The following PTPRD variants were observed in gnomAD, a reference collection of about 807,000 sequenced individuals.
PTPRD encodes receptor-type tyrosine-protein phosphatase delta.
Under a neutral mutation model 214.5 loss-of-function variants are expected in PTPRD, and 34 were observed. The observed-to-expected ratio is 0.16, with a 90% CI of 0.12 to 0.21. PTPRD has a LOEUF of 0.21. PTPRD is among the 10% of genes least tolerant of loss of function. The probability of loss-of-function intolerance (pLI) is 1.00; values close to 1 mark genes in which losing one functional copy is unlikely to be tolerated. For missense variants in PTPRD, 2,545 were observed against 2,398.7 expected (o/e 1.06, Z -1.27); for synonymous variants, 1,128 against 845.7 (o/e 1.33, Z -5.79).
chr9:9,265,638 A>T (rs1208872114), intron 9 of PTPRD, among the ~76,000 whole-genome samples: 1 of 151,562 alleles, frequency 6.6e-6, no homozygotes, highest in East Asian at 2.0e-4. Flanking sequence ...AGTTGTTATC[A>T]ACTTGAAATA....
intron 5 of PTPRD, among the ~76,000 whole-genome samples, chr9:9,895,835 G>C (rs1051062350): frequency 1.3e-5 from 2 of 151,952 alleles, no homozygotes; most frequent in African/African-American, 2.4e-5. Context: ...TATACACTTG[G>C]TTTTTTATAG....
intron 3 of PTPRD, among the ~76,000 whole-genome samples, chr9:10,302,344 AG>A (rs2095887252): frequency 6.6e-6 from 1 of 152,208 alleles, no homozygotes; most frequent in African/African-American, 2.4e-5. Flanking sequence ...GACACTATGA[AG>A]AAACTACATC....
intron 14 of PTPRD, among the ~76,000 whole-genome samples, chr9:8,542,934 T>C (rs967320006): frequency 3.3e-5 from 5 of 152,304 alleles, no homozygotes; most frequent in Admixed American, 6.5e-5. Flanking sequence ...TTGAAGACAG[T>C]TGAGCATGCA....
intron 5 of PTPRD, among the ~76,000 whole-genome samples, chr9:9,934,170 T>G (rs2088107164): frequency 6.8e-6 from 1 of 147,222 alleles, no homozygotes; most frequent in Admixed American, 6.7e-5. Context: ...TTAAAAGAAC[T>G]AGAAAAGCAA....
At chr9:8,621,103 A>G (rs951175343) in intron 14 of PTPRD, among the ~76,000 whole-genome samples, 2 of 151,966 alleles carry the variant, frequency 1.3e-5, no homozygotes, top group African/African-American at 4.8e-5. Context: ...GGCATCGTAC[A>G]AGGGAGGGCC....
chr9:9,097,580 T>G (rs2154435815), intron 10 of PTPRD, among the ~76,000 whole-genome samples: 1 of 151,734 alleles, frequency 6.6e-6, no homozygotes, highest in African/African-American at 2.4e-5. Flanking sequence ...GGCTAATTTT[T>G]TTTGTATTTT....
At chr9:10,200,219 C>G (rs2099414149) in intron 3 of PTPRD, among the ~76,000 whole-genome samples, 1 of 152,056 alleles carries the variant, frequency 6.6e-6, no homozygotes, top group Non-Finnish European at 1.5e-5. Flanking sequence ...GAAAAATTGT[C>G]TTTCTAAGTA....
intron 21 of PTPRD, among the ~76,000 whole-genome samples, chr9:8,512,898 G>C (rs1400077398): frequency 1.3e-5 from 2 of 151,900 alleles, no homozygotes; most frequent in Non-Finnish European, 2.9e-5. Context: ...CTACTTCTTT[G>C]TCAGAGTTTT....
intron 10 of PTPRD, among the ~76,000 whole-genome samples, chr9:9,047,637 T>G (rs2099675474): frequency 6.6e-6 from 1 of 152,010 alleles, no homozygotes; most frequent in Admixed American, 6.6e-5. Flanking sequence ...GCCAAGAACA[T>G]ATACTGGGGA....
intron 9 of PTPRD, among the ~76,000 whole-genome samples, chr9:9,194,521 A>C (rs1002204555): frequency 1.3e-5 from 2 of 152,136 alleles, no homozygotes; most frequent in African/African-American, 4.8e-5. Flanking sequence ...GGGTGACAGG[A>C]AACTTCAGCT....
intron 36 of PTPRD, 110 bp downstream of exon 36, chr9:8,404,427 C>A: frequency 2.1e-6 from 3 of 1,410,026 alleles, no homozygotes; most frequent in Non-Finnish European, 2.8e-6. Context: ...CCATGCACAG[C>A]CATCTTAATT....
chr9:9,747,009 A>T (rs2098464947), intron 6 of PTPRD, among the ~76,000 whole-genome samples: 1 of 152,218 alleles, frequency 6.6e-6, no homozygotes, highest in Admixed American at 6.5e-5. Context: ...ACAGTTAAAA[A>T]TTCACCTGAG....
chr9:8,325,940 A>T (rs1417052003), intron 44 of PTPRD, among the ~76,000 whole-genome samples: 1 of 152,160 alleles, frequency 6.6e-6, no homozygotes, highest in African/African-American at 2.4e-5. Context: ...ACTTTCCTGA[A>T]GTTGCTTATC....
At chr9:10,293,161 G>C (rs1228603971) in intron 3 of PTPRD, among the ~76,000 whole-genome samples, 1 of 151,732 alleles carries the variant, frequency 6.6e-6, no homozygotes, top group Non-Finnish European at 1.5e-5. Flanking sequence ...GAAATCTCTG[G>C]CCTTGAATTC....
intron 11 of PTPRD, among the ~76,000 whole-genome samples, chr9:8,969,857 T>C (rs887597911): frequency 2.0e-5 from 3 of 152,024 alleles, no homozygotes; most frequent in Non-Finnish European, 4.4e-5. Context: ...AGAGTTTACA[T>C]TCTAAAGCAG....
intron 2 of PTPRD, among the ~76,000 whole-genome samples, chr9:10,603,071 T>C (rs572509579): frequency 1.3e-5 from 2 of 151,916 alleles, no homozygotes; most frequent in African/African-American, 4.8e-5. Flanking sequence ...TGATATACCA[T>C]AAAATCTGAC....
intron 8 of PTPRD, among the ~76,000 whole-genome samples, chr9:9,409,392 C>T (rs187373784): frequency 1.3e-5 from 2 of 151,976 alleles, no homozygotes; most frequent in Non-Finnish European, 1.5e-5. Context: ...GAACTGTTTG[C>T]TTGGGCCACT....
chr9:9,716,644 A>T (rs904977208), intron 7 of PTPRD, among the ~76,000 whole-genome samples: 1 of 152,140 alleles, frequency 6.6e-6, no homozygotes, highest in Non-Finnish European at 1.5e-5. Flanking sequence ...TGGCTGCATA[A>T]ATGTCTTCTT....
At chr9:8,935,654 T>A (rs1230319221) in intron 11 of PTPRD, among the ~76,000 whole-genome samples, 1 of 152,150 alleles carries the variant, frequency 6.6e-6, no homozygotes, top group Non-Finnish European at 1.5e-5. Flanking sequence ...CATCTGAACG[T>A]GTGCAGTTTG....
Sources: gnomAD v4.1 joint callset for allele counts (sites outside exome capture counted in the v4.1 genomes callset) on GRCh38, gnomAD v4.1.1 for gene constraint, MANE v1.5 for transcripts, NCBI Gene and HGNC (gene_info 2026-07-23, HGNC 2026-07-21) for gene names.